Variants in ZNF433 observed in about 807,000 individuals in gnomAD.
The protein encoded by ZNF433 is zinc finger protein 433.
In ZNF433, 12 loss-of-function variants were observed where a neutral mutation model predicts 10.6. The observed-to-expected ratio is 1.13, with a 90% CI of 0.72 to 1.83. The LOEUF is 1.83. ZNF433 is among the 40% of genes most tolerant of loss of function. The probability of loss-of-function intolerance (pLI) is 0.00; values close to 1 mark genes in which losing one functional copy is unlikely to be tolerated. For synonymous variants in ZNF433, 272 were observed against 271.3 expected, an observed-to-expected ratio of 1.00 and a Z score of -0.02; for missense variants, 737 against 798.0, an observed-to-expected ratio of 0.92 and a Z score of 0.92.
intron 1 of ZNF433, among the ~76,000 whole-genome samples, chr19:12,022,802 C>T (rs1465041461): frequency 6.6e-6 from 1 of 152,198 alleles, no homozygotes; most frequent in African/African-American, 2.4e-5. Context: ...GAGTCCATCC[C>T]TACCCTTCTG....
chr19:12,023,998 C>T (rs1305242811), intron 1 of ZNF433: 1 of 152,066 alleles, frequency 6.6e-6, no homozygotes, highest in Non-Finnish European at 1.5e-5. Flanking sequence ...CATTGTTAAG[C>T]CTCCAGAAAC....
chr19:12,029,036 TC>T (rs1974874355), intron 1 of ZNF433, among the ~76,000 whole-genome samples: 1 of 152,142 alleles, frequency 6.6e-6, no homozygotes, highest in Non-Finnish European at 1.5e-5. Context: ...TGGAAAGATA[TC>T]AATGGAAAAT....
chr19:12,026,702 G>A (rs754960857), intron 1 of ZNF433: 3 of 454,118 alleles, frequency 6.6e-6, no homozygotes, highest in East Asian at 6.9e-5. Flanking sequence ...GAACGTACTT[G>A]TTTGGGAAGA....
chr19:12,024,303 A>G (rs1047103518), intron 1 of ZNF433: 1 of 152,204 alleles, frequency 6.6e-6, no homozygotes, highest in African/African-American at 2.4e-5. Flanking sequence ...ATTGTCATAG[A>G]TTTAAAAGAC....
In ZNF433 at chr19:12,016,274, T is replaced by A. The variant is rs763391485; in HGVS notation, c.584A>T (p.Tyr195Phe). Residue 195 changes from tyrosine to phenylalanine, a missense_variant, in exon 4 of 4, where the codon TAT (tyrosine) becomes TTT (phenylalanine). Coordinates refer to ENST00000550507, the MANE Select transcript of ZNF433 (RefSeq NM_001308348.2). ...GGCTTTCCCACAAAATTTACACTTA[T>A]AAGGTCCATCTCCACGGTGCATTAT... ...HRIMHRGDGP[Y>F]KCKFCGKALM... The A allele has an allele frequency of 4.3e-6, 7 of 1,614,108 alleles. No homozygotes were observed. The highest frequency in any genetic ancestry group is 5.9e-6 in the Non-Finnish European group (7 of 1,180,048).
chr19:12,015,159 C>G lies in ZNF433; in HGVS notation c.1699G>C (p.Ala567Pro). 4 of 1,613,622 alleles carry G rather than the reference C, an allele frequency of 2.5e-6. No homozygotes were observed. Among genetic ancestry groups the G allele is most frequent in the Non-Finnish European group, 3.4e-6 (4 of 1,179,852 alleles). The change falls in exon 4 of 4, where the codon GCC (alanine) becomes CCC (proline). Residue 567 changes from alanine (A) to proline (P), a missense_variant. Coordinates refer to ENST00000550507, the MANE Select transcript of ZNF433 (RefSeq NM_001308348.2). ...TGAAGGTGTGAGGCAGATCCAAAGG[C>G]TTTCCCACACTGCTTACATTCATAA... ...KPYECKQCGK[A>P]FGSASHLQMH...
chr19:12,016,028 T>C lies in ZNF433; in HGVS notation c.830A>G (p.Lys277Arg). The C allele has an allele frequency of 6.2e-7, 1 of 1,614,102 alleles. No individual in the cohort carries two copies. ...CCCACACTGTTTACATTCATATGGCTTCTCCCCAGTGTGAGTTCTTTTATG... is the reference window on the plus strand; with the variant it reads ...CCCACACTGTTTACATTCATATGGCCTCTCCCCAGTGTGAGTTCTTTTATG... ...HAHKRTHTGEKPYECKQCGKA... is the reference protein window; with the variant it reads ...HAHKRTHTGERPYECKQCGKA... Residue 277 changes from lysine to arginine, a missense_variant, in exon 4 of 4, where the codon AAG (lysine) becomes AGG (arginine). Lys to Arg is a conservative substitution (Grantham distance 26, BLOSUM62 2). Transcript: ENST00000550507.
chr19:12,020,099 C>T (rs989305545), intron 1 of ZNF433, among the ~76,000 whole-genome samples: 2 of 151,994 alleles, frequency 1.3e-5, no homozygotes, highest in African/African-American at 4.8e-5. Flanking sequence ...TGGTGAAACC[C>T]CATCTCTACT....
rs150815740 is a variant in ZNF433, at chr19:12,029,945, G to A, written c.3+5592C>T. On this transcript the variant is annotated intron_variant, in intron 1 of 3. Transcript: ENST00000550507. Reference sequence around the variant, plus strand: ...AGAATACAAAAAATTAGCTGGGCACGGTAGCAGGCACCTGTAATCCCAGCT... The same window carrying A: ...AGAATACAAAAAATTAGCTGGGCACAGTAGCAGGCACCTGTAATCCCAGCT... 5.2e-3 allele frequency among the ~76,000 whole-genome samples: 786 copies of A among 151,666 alleles called. 6 individuals are homozygous for A. Among genetic ancestry groups the A allele is most frequent in the African/African-American group, 8.0e-3 (330 of 41,370 alleles).
intron 1 of ZNF433, 91 bp from the exon 2 acceptor site, chr19:12,018,383 G>A (rs1974321665): frequency 1.4e-6 from 2 of 1,431,628 alleles, no homozygotes; most frequent in Non-Finnish European, 1.9e-6. Flanking sequence ...CCATGATGCT[G>A]TGGACTCAAA....
At position 12,014,774 on chromosome 19, in the gene ZNF433, A is replaced by G. The variant is rs983784704; in HGVS notation, c.*71T>C. 9 of 1,125,656 alleles carry G rather than the reference A, an allele frequency of 8.0e-6. No individual in the cohort carries two copies. In the South Asian group the frequency reaches 1.0e-4, roughly 13 times the overall value. 69.7% of individuals were successfully genotyped at this position (1,125,656 alleles called of 1,614,324 possible). On this transcript the variant is annotated 3_prime_UTR_variant, in exon 4 of 4. Coordinates refer to ENST00000550507, the MANE Select transcript of ZNF433 (RefSeq NM_001308348.2). ...TTAATTTTTATAACAGAGTCTCACT[A>G]TGTTGCCCAGGCTGGTCTTGAACTC...
chr19:12,033,914 T>C (rs1975155804), intron 1 of ZNF433, among the ~76,000 whole-genome samples: 1 of 152,214 alleles, frequency 6.6e-6, no homozygotes, highest in South Asian at 2.1e-4. Flanking sequence ...ACTGAAATTT[T>C]AGTATTGTAC....
chr19:12,016,785 C>T lies in ZNF433; in HGVS notation c.192-119G>A, dbSNP rs1599351034. On this transcript the variant is annotated intron_variant, in intron 3 of 3. Coordinates refer to ENST00000550507, the MANE Select transcript of ZNF433 (RefSeq NM_001308348.2). ...TTGAGATGGAGTCTCACTCTCTTGC[C>T]CAGGCTGGAGTGTAGTGGTGCGATC... 3 of 1,366,568 alleles carry T rather than the reference C, an allele frequency of 2.2e-6. No individual in the cohort carries two copies. The East Asian group carries it at 7.5e-5, about 34-fold the overall frequency. The allele number at this position is 1,366,568 out of a possible 1,614,324, so 84.7% of individuals were successfully genotyped here. A position where few individuals can be genotyped will look rare whatever the true frequency, so the allele number is the denominator to read the frequency against.
chr19:12,016,134 CA>C lies in ZNF433; in HGVS notation c.723del (p.His241GlnfsTer427). ...GGCTTCTCCCCAGTGTGAGTTCTTT[CA>C]TGTATTCGAAGGCTACTAGAATGAC... ...AFSHSSSLRI[H>X]ERTHTGEKPY... On this transcript the variant is annotated frameshift_variant, in exon 4 of 4. Coordinates refer to ENST00000550507, the MANE Select transcript of ZNF433 (RefSeq NM_001308348.2). LOFTEE classifies it low-confidence loss of function (END_TRUNC). 6.2e-7 allele frequency: 1 copy of C among 1,614,120 alleles called. No individual in the cohort carries two copies. Among genetic ancestry groups the C allele is most frequent in the Non-Finnish European group, 8.5e-7 (1 of 1,180,016 alleles).
chr19:12,018,492 A>C, intron 1 of ZNF433, 200 bp from the exon 2 acceptor site: 1 of 489,030 alleles, frequency 2.0e-6, no homozygotes, highest in South Asian at 8.2e-5. Context: ...GTGGTAAAGC[A>C]ACAGTAGAAT....
In ZNF433 at chr19:12,015,954, T is replaced by G. The variant is rs186836944; in HGVS notation, c.904A>C (p.Thr302Pro). 1 of 1,614,074 alleles carries G rather than the reference T, an allele frequency of 6.2e-7. No individual in the cohort carries two copies. The highest frequency in any genetic ancestry group is 2.2e-5 in the East Asian group (1 of 44,878). ...HSFQIHERTH[T>P]GEKPYECKEC... ...TTACATTCATATGGCTTCTCCCCCG[T>G]GTGAGTTCTTTCATGTATTTGAAAG... The change falls in exon 4 of 4, where the codon ACG (threonine) becomes CCG (proline). Residue 302 changes from threonine to proline, a missense_variant. Transcript: ENST00000550507.
intron 1 of ZNF433, among the ~76,000 whole-genome samples, chr19:12,018,847 CCACTGCACTGCA>C (rs1294256493): frequency 6.6e-6 from 1 of 151,652 alleles, no homozygotes; most frequent in African/African-American, 2.4e-5. Context: ...TGAGCTCATG[CCACTGCACTGCA>C]GCCTGGGCAA....
chr19:12,016,281 C>T lies in ZNF433; in HGVS notation c.577G>A (p.Gly193Arg). The T allele has an allele frequency of 6.2e-7, 1 of 1,614,178 alleles. No individual in the cohort carries two copies. Among genetic ancestry groups the T allele is most frequent in the Non-Finnish European group, 8.5e-7 (1 of 1,180,032 alleles). ...CCACAAAATTTACACTTATAAGGTC[C>T]ATCTCCACGGTGCATTATCCTGTGT... ...QRHRIMHRGDGPYKCKFCGKA... is the reference protein window; with the variant it reads ...QRHRIMHRGDRPYKCKFCGKA... Residue 193 changes from glycine (G) to arginine (R), a missense_variant, in exon 4 of 4, where the codon GGA (glycine) becomes AGA (arginine). Physicochemically the swap from Gly to Arg is moderately radical, Grantham distance 125 (BLOSUM62 -2). Transcript: ENST00000550507.
At chr19:12,026,658 T>C (rs913783403) in intron 1 of ZNF433, 5 of 452,616 alleles carry the variant, frequency 1.1e-5, no homozygotes, top group African/African-American at 8.0e-5. Context: ...CAAAAAACTA[T>C]TTGTAAACAG....
Sources: gnomAD v4.1 joint callset for allele counts (sites outside exome capture counted in the v4.1 genomes callset) on GRCh38, gnomAD v4.1.1 for gene constraint, MANE v1.5 for transcripts, NCBI Gene and HGNC (gene_info 2026-07-23, HGNC 2026-07-21) for gene names.